CUX1: variants seen among roughly 807,000 people sequenced by gnomAD.
The protein encoded by CUX1 is protein CASP.
A neutral mutation model predicts 158.8 loss-of-function variants in CUX1; 31 were observed. That is an observed-to-expected ratio of 0.20 (90% CI 0.15 to 0.26). CUX1 has a LOEUF of 0.26. Among genes scored for constraint, CUX1 ranks in the 10% least tolerant of loss-of-function variants. The probability of loss-of-function intolerance (pLI) is 1.00; values close to 1 mark genes in which losing one functional copy is unlikely to be tolerated. For missense variants in CUX1, 1,589 were observed against 2,014.6 expected, an observed-to-expected ratio of 0.79 and a Z score of 4.04; for synonymous variants, 879 against 862.1, an observed-to-expected ratio of 1.02 and a Z score of -0.34.
At position 102,253,131 on chromosome 7, in the gene CUX1, T is replaced by G; in HGVS notation, c.*4089T>G. The G allele has an allele frequency of 1.0e-6, 1 of 985,564 alleles. No homozygotes were observed. The highest frequency in any genetic ancestry group is 1.2e-6 in the Non-Finnish European group (1 of 830,002). The allele number at this position is 985,564 out of a possible 1,614,324, so 61.1% of individuals were successfully genotyped here. ...CTCAGTTTCCTTCCTGTCGCCATCT[T>G]TGTTTTCTTCCCATTGAAAAACCAT... On this transcript the variant is annotated 3_prime_UTR_variant, in exon 24 of 24. Coordinates refer to ENST00000292535, the MANE Select transcript of CUX1 (RefSeq NM_181552.4).
intron 2 of CUX1, among the ~76,000 whole-genome samples, chr7:101,937,638 G>A (rs1173909632): frequency 2.0e-5 from 3 of 151,978 alleles, no homozygotes; most frequent in African/African-American, 7.3e-5. Flanking sequence ...AGCCTCCCGA[G>A]TAGCTGGGAC....
rs188324472 is a variant in CUX1, at chr7:102,018,866, C to T, written c.142-9232C>T. On this transcript the variant is annotated intron_variant, in intron 2 of 23. Transcript: ENST00000292535. ...GTGTCAGAGTGAGGCTATCATCACA[C>T]ATCGCAGGCATCTGGAAAACTCCAC... 3.3e-5 allele frequency among the ~76,000 whole-genome samples: 5 copies of T among 152,318 alleles called. No individual in the cohort carries two copies. In the East Asian group the frequency reaches 9.6e-4, roughly 29 times the overall value.
rs1239519322 is a variant in CUX1, at chr7:102,168,918, C to CTTTTTTTTTTTTTTTTTT, written c.724-1524_724-1523insTTTTTTTTTTTTTTTTTT. The stretch of plus-strand genomic sequence containing the variant: ...CTTTTCTTTTCTTTTCTTTTATTTT[C>CTTTTTTTTTTTTTTTTTT]TTTTCTTTTCTTTTATTTTCTTTTT... On this transcript the variant is annotated intron_variant, in intron 9 of 23. Coordinates refer to ENST00000292535, the MANE Select transcript of CUX1 (RefSeq NM_181552.4). Among the ~76,000 whole-genome samples, 13 of 84,134 alleles carry CTTTTTTTTTTTTTTTTTT rather than the reference C, an allele frequency of 1.5e-4. 1 individual carries two copies. Among genetic ancestry groups the CTTTTTTTTTTTTTTTTTT allele is most frequent in the African/African-American group, 2.1e-4 (3 of 14,462 alleles). 55.2% of individuals were successfully genotyped at this position (84,134 alleles called of 152,430 possible).
At chr7:101,844,776 C>T (rs1284595085) in intron 1 of CUX1, among the ~76,000 whole-genome samples, 8 of 151,370 alleles carry the variant, frequency 5.3e-5, no homozygotes, top group East Asian at 4.0e-4. Context: ...CCCCCATGCC[C>T]GGCTAATTTT....
At chr7:102,217,523 G>A (rs1797355684) in intron 20 of CUX1, among the ~76,000 whole-genome samples, 1 of 152,274 alleles carries the variant, frequency 6.6e-6, no homozygotes, top group African/African-American at 2.4e-5. Context: ...ATGTCGGGGA[G>A]ATGAAAGAGG....
At chr7:102,131,108 CA>C (rs575289482) in intron 8 of CUX1, among the ~76,000 whole-genome samples, 9,095 of 65,644 alleles carry the variant, frequency 0.14, 274 homozygotes, top group Middle Eastern at 0.27. Flanking sequence ...GACTCCATCT[CA>C]AAAAAAAAAA....
intron 4 of CUX1, among the ~76,000 whole-genome samples, chr7:102,071,631 T>A (rs1435618357): frequency 6.6e-6 from 1 of 152,200 alleles, no homozygotes; most frequent in Non-Finnish European, 1.5e-5. Context: ...AGAGCTACAT[T>A]AACAGAGCGA....
chr7:102,021,276 A>C (rs1282548428), intron 2 of CUX1, among the ~76,000 whole-genome samples: 1 of 152,104 alleles, frequency 6.6e-6, no homozygotes, highest in Non-Finnish European at 1.5e-5. Flanking sequence ...TGTAGGATGA[A>C]AAAGACATCC....
At chr7:102,012,222 C>T (rs1182043599) in intron 2 of CUX1, among the ~76,000 whole-genome samples, 1 of 151,970 alleles carries the variant, frequency 6.6e-6, no homozygotes, top group Admixed American at 6.6e-5. Flanking sequence ...GGGTCTCACT[C>T]TGTTGCCCAG....
At chr7:101,923,922 A>T (rs1805277745) in intron 2 of CUX1, among the ~76,000 whole-genome samples, 1 of 152,120 alleles carries the variant, frequency 6.6e-6, no homozygotes, top group Non-Finnish European at 1.5e-5. Context: ...GGCCTGGCGC[A>T]TTTCTCTGAT....
intron 8 of CUX1, among the ~76,000 whole-genome samples, chr7:102,141,074 C>T (rs934283884): frequency 3.0e-4 from 46 of 151,976 alleles, no homozygotes; most frequent in African/African-American, 1.1e-3. Flanking sequence ...AGGGAACGGA[C>T]GGTCTTCGTG....
In CUX1 at chr7:102,028,095, C is replaced by T. The variant is rs1444495923; in HGVS notation, c.142-3C>T. Reference sequence around the variant, plus strand: ...GCTTCCTGACCTCCGCCTCCTGCTCCAGGATTTGCGCAAGCAGGTAGCGCC... The same window carrying T: ...GCTTCCTGACCTCCGCCTCCTGCTCTAGGATTTGCGCAAGCAGGTAGCGCC... On this transcript the variant is annotated splice_polypyrimidine_tract_variant and splice_region_variant and intron_variant, in intron 2 of 23. Coordinates refer to ENST00000292535, the MANE Select transcript of CUX1 (RefSeq NM_181552.4). 2 of 1,612,212 alleles carry T rather than the reference C, an allele frequency of 1.2e-6. No individual in the cohort carries two copies. Among genetic ancestry groups the T allele is most frequent in the South Asian group, 2.2e-5 (2 of 90,994 alleles).
At chr7:101,872,228 G>A (rs1798642663) in intron 1 of CUX1, among the ~76,000 whole-genome samples, 1 of 152,022 alleles carries the variant, frequency 6.6e-6, no homozygotes, top group Non-Finnish European at 1.5e-5. Context: ...CTGCCTCTTG[G>A]GTTCAAGTGA....
intron 2 of CUX1, among the ~76,000 whole-genome samples, chr7:102,016,495 T>C (rs1391589318): frequency 6.6e-6 from 1 of 152,194 alleles, no homozygotes; most frequent in Non-Finnish European, 1.5e-5. Flanking sequence ...TCATTCCAAG[T>C]CTTTGCTGTT....
At position 102,171,593 on chromosome 7, in the gene CUX1, G is replaced by A. The variant is rs544520177; in HGVS notation, c.828+1043G>A. On this transcript the variant is annotated intron_variant, in intron 10 of 23. Transcript: ENST00000292535. ...CTCCCGAGTAGCTGGGACTGCAGGC[G>A]CACACCACCACACCTGGCTGATTTT... 7.2e-5 allele frequency among the ~76,000 whole-genome samples: 11 copies of A among 151,874 alleles called. No homozygotes were observed. The East Asian group carries it at 1.9e-3, about 27-fold the overall frequency.
At chr7:101,988,989 G>A (rs1192078886) in intron 2 of CUX1, among the ~76,000 whole-genome samples, 2 of 151,062 alleles carry the variant, frequency 1.3e-5, no homozygotes, top group Non-Finnish European at 2.9e-5. Context: ...GTGAGATCCT[G>A]TCTCAAAAAA....
chr7:102,207,443 G>A (rs1796069075), intron 20 of CUX1, among the ~76,000 whole-genome samples: 1 of 152,058 alleles, frequency 6.6e-6, no homozygotes, highest in African/African-American at 2.4e-5. Flanking sequence ...TTTCTTATTT[G>A]CAGGAAAAAA....
chr7:101,863,859 C>T (rs1016519473), intron 1 of CUX1, among the ~76,000 whole-genome samples: 11 of 152,166 alleles, frequency 7.2e-5, no homozygotes, highest in African/African-American at 2.4e-4. Context: ...TCCTCCATGT[C>T]GTAGCTTGTG....
chr7:101,829,141 G>C (rs1489221448), intron 1 of CUX1, among the ~76,000 whole-genome samples: 1 of 152,106 alleles, frequency 6.6e-6, no homozygotes, highest in Non-Finnish European at 1.5e-5. Context: ...TTGGGGTGGG[G>C]TGGGGTGAAG....
Sources: gnomAD v4.1 joint callset for allele counts (sites outside exome capture counted in the v4.1 genomes callset) on GRCh38, gnomAD v4.1.1 for gene constraint, MANE v1.5 for transcripts, NCBI Gene and HGNC (gene_info 2026-07-23, HGNC 2026-07-21) for gene names.